Variants in SSBP2 observed in about 807,000 individuals in gnomAD.
SSBP2 encodes the protein single-stranded DNA-binding protein 2.
In SSBP2, 17 loss-of-function variants were observed where a neutral mutation model predicts 61.8. That is an observed-to-expected ratio of 0.28 (90% CI 0.19 to 0.41). SSBP2 has a LOEUF of 0.41. Among genes scored for constraint, SSBP2 ranks in the 10% least tolerant of loss-of-function variants. The pLI is 1.00. For synonymous variants in SSBP2, 139 were observed against 141.3 expected (o/e 0.98, Z 0.12); for missense variants, 310 against 458.7 (o/e 0.68, Z 2.96).
At chr5:81,476,985 GGTGTGTGTGTGTATGT>G (rs929778654) in intron 6 of SSBP2, among the ~76,000 whole-genome samples, 2 of 151,812 alleles carry the variant, frequency 1.3e-5, no homozygotes, top group African/African-American at 4.8e-5. Context: ...GAAGCCTTCA[GGTGTGTGTGTGTATGT>G]GTGTGTGTGT....
intron 1 of SSBP2, among the ~76,000 whole-genome samples, chr5:81,730,259 C>T (rs1756167572): frequency 6.6e-6 from 1 of 152,148 alleles, no homozygotes; most frequent in African/African-American, 2.4e-5. Flanking sequence ...GAATTTCGCT[C>T]TGTCGCCCAG....
chr5:81,539,313 A>G (rs1260776718), intron 4 of SSBP2, among the ~76,000 whole-genome samples: 1 of 152,216 alleles, frequency 6.6e-6, no homozygotes, highest in East Asian at 1.9e-4. Context: ...CAATCTCACG[A>G]TATCAAACTT....
At chr5:81,589,596 CT>C (rs1775337634) in intron 4 of SSBP2, among the ~76,000 whole-genome samples, 1 of 152,068 alleles carries the variant, frequency 6.6e-6, no homozygotes, top group Non-Finnish European at 1.5e-5. Context: ...CTTAAAATGT[CT>C]TTTTAAAATG....
rs1465646810 is a variant in SSBP2 at position 81,415,393 on chromosome 5, C to T, written c.*5111G>A. On this transcript the variant is annotated 3_prime_UTR_variant, in exon 17 of 17. Transcript: ENST00000320672. ...CATAGTATAACCTATGCACATCCTC[C>T]AATATACTTCAAATCATCTCGTTTA... is the stretch of plus-strand genomic sequence containing the variant. The T allele has an allele frequency of 2.6e-5, 4 of 152,182 alleles. No individual in the cohort carries two copies. Among genetic ancestry groups the T allele is most frequent in the African/African-American group, 9.7e-5 (4 of 41,436 alleles). 9.4% of individuals were successfully genotyped at this position (152,182 alleles called of 1,614,324 possible).
rs1259482533 is a variant in SSBP2, at chr5:81,503,215, G to A, written c.372+10413C>T. Among the ~76,000 whole-genome samples the A allele has an allele frequency of 2.0e-5, 3 of 152,182 alleles. No individual in the cohort carries two copies. The East Asian group carries it at 5.8e-4, about 29-fold the overall frequency. Reference sequence around the variant, plus strand: ...CATACCTGTAATTCCAGCACTTTTGGAGACTGAGGCAGGTGGATCATGAGG... The same window carrying A: ...CATACCTGTAATTCCAGCACTTTTGAAGACTGAGGCAGGTGGATCATGAGG... On this transcript the variant is annotated intron_variant, in intron 5 of 16. Coordinates refer to ENST00000320672, the MANE Select transcript of SSBP2 (RefSeq NM_012446.5).
At chr5:81,467,087 A>G in intron 8 of SSBP2, 22 bp from the exon 9 acceptor site, 1 of 1,549,588 alleles carries the variant, frequency 6.5e-7, no homozygotes, top group Non-Finnish European at 8.9e-7. Context: ...CAAAAAAACA[A>G]AACCAAAGAG....
At chr5:81,457,615 G>C (rs1473259766) in intron 10 of SSBP2, among the ~76,000 whole-genome samples, 1 of 151,932 alleles carries the variant, frequency 6.6e-6, no homozygotes, top group Admixed American at 6.6e-5. Context: ...AACAATAATG[G>C]GACAAATCAT....
chr5:81,595,083 T>G (rs899047009), intron 4 of SSBP2, among the ~76,000 whole-genome samples: 9 of 151,836 alleles, frequency 5.9e-5, no homozygotes, highest in Middle Eastern at 3.2e-3. Context: ...CAACAAAATT[T>G]ATAGACCACT....
intron 10 of SSBP2, among the ~76,000 whole-genome samples, chr5:81,454,780 C>T (rs1764019572): frequency 6.6e-6 from 1 of 151,654 alleles, no homozygotes; most frequent in South Asian, 2.1e-4. Context: ...ATATATATTT[C>T]TATTTCTGAG....
chr5:81,657,129 C>T (rs961677177), intron 1 of SSBP2, among the ~76,000 whole-genome samples: 3 of 152,202 alleles, frequency 2.0e-5, no homozygotes, highest in African/African-American at 7.2e-5. Context: ...TGTTTGATTA[C>T]TTCCCCTGAG....
At chr5:81,592,647 C>T (rs1223560654) in intron 4 of SSBP2, among the ~76,000 whole-genome samples, 1 of 152,220 alleles carries the variant, frequency 6.6e-6, no homozygotes, top group Non-Finnish European at 1.5e-5. Context: ...ACAAAACTTC[C>T]AGAGGAACCA....
At chr5:81,571,128 T>C (rs1029801850) in intron 4 of SSBP2, among the ~76,000 whole-genome samples, 16 of 152,218 alleles carry the variant, frequency 1.1e-4, no homozygotes, top group African/African-American at 3.9e-4. Context: ...TCTACTTAGC[T>C]TTTAGATGAC....
chr5:81,672,156 CAT>C (rs1234926494), intron 1 of SSBP2, among the ~76,000 whole-genome samples: 1 of 152,102 alleles, frequency 6.6e-6, no homozygotes, highest in Non-Finnish European at 1.5e-5. Context: ...AATGCTTCCA[CAT>C]ATGAAATTAT....
At chr5:81,441,256 T>C (rs1763014089) in intron 13 of SSBP2, among the ~76,000 whole-genome samples, 1 of 152,178 alleles carries the variant, frequency 6.6e-6, no homozygotes, top group Non-Finnish European at 1.5e-5. Flanking sequence ...TGGAATTCTT[T>C]TTTTCTTTCC....
intron 1 of SSBP2, among the ~76,000 whole-genome samples, chr5:81,735,390 C>A (rs768694951): frequency 3.3e-5 from 5 of 152,144 alleles, no homozygotes; most frequent in Admixed American, 1.3e-4. Flanking sequence ...GGTCACCCCC[C>A]ACCCACTGCA....
intron 1 of SSBP2, among the ~76,000 whole-genome samples, chr5:81,674,916 C>T (rs1473175106): frequency 6.6e-6 from 1 of 152,070 alleles, no homozygotes; most frequent in African/African-American, 2.4e-5. Context: ...TAATTGACTG[C>T]CCTAAATATT....
intron 4 of SSBP2, among the ~76,000 whole-genome samples, chr5:81,598,529 G>A (rs940237496): frequency 6.6e-5 from 10 of 152,072 alleles, no homozygotes; most frequent in African/African-American, 1.9e-4. Flanking sequence ...GGGATAATTC[G>A]TTATGCAAAC....
chr5:81,430,087 T>A (rs1178304582), intron 15 of SSBP2, among the ~76,000 whole-genome samples: 7 of 152,142 alleles, frequency 4.6e-5, no homozygotes, highest in African/African-American at 1.4e-4. Context: ...GGGAAAAAAA[T>A]TAAGTAAAAT....
intron 2 of SSBP2, among the ~76,000 whole-genome samples, chr5:81,644,590 G>C (rs1052314328): frequency 6.6e-6 from 1 of 152,156 alleles, no homozygotes; most frequent in African/African-American, 2.4e-5. Context: ...TGCCTATACT[G>C]TACAATGCCT....
Sources: allele counts gnomAD v4.1 joint callset (sites outside exome capture counted in the v4.1 genomes callset), GRCh38; gene constraint gnomAD v4.1.1; transcripts MANE v1.5; gene names NCBI Gene and HGNC (gene_info 2026-07-23, HGNC 2026-07-21).